CCDC112: variants seen among roughly 807,000 people sequenced by gnomAD.
The protein encoded by CCDC112 is coiled-coil domain-containing protein 112.
A neutral mutation model predicts 66.3 loss-of-function variants in CCDC112; 40 were observed. The observed-to-expected ratio is 0.60, with a 90% CI of 0.47 to 0.79. The LOEUF is 0.79. Among genes scored for constraint, CCDC112 ranks in the 30% least tolerant of loss-of-function variants. The pLI is 0.00. For missense variants in CCDC112, 659 were observed against 603.8 expected (o/e 1.09, Z -0.96); for synonymous variants, 214 against 197.2 (o/e 1.09, Z -0.71).
At chr5:115,277,440 T>C (rs1382093165) in intron 3 of CCDC112, among the ~76,000 whole-genome samples, 2 of 152,204 alleles carry the variant, frequency 1.3e-5, no homozygotes, top group Admixed American at 6.5e-5. Flanking sequence ...TAGAATTTGG[T>C]CTTAACTCTA....
chr5:115,296,582 G>A lies in CCDC112; in HGVS notation c.-39C>T. ...GCTACTCGGGCCGCGGCGGCCACCGGTGCCTGGGGATTCGTGGCAGGCGCA... is the reference window on the plus strand; with the variant it reads ...GCTACTCGGGCCGCGGCGGCCACCGATGCCTGGGGATTCGTGGCAGGCGCA... On this transcript the variant is annotated 5_prime_UTR_variant, in exon 1 of 10. Coordinates refer to ENST00000379611, the MANE Select transcript of CCDC112 (RefSeq NM_001040440.3). The A allele has an allele frequency of 2.1e-6, 3 of 1,429,996 alleles. No homozygotes were observed. Among genetic ancestry groups the A allele is most frequent in the Non-Finnish European group, 2.7e-6 (3 of 1,096,086 alleles). The allele number at this position is 1,429,996 out of a possible 1,614,324, so 88.6% of individuals were successfully genotyped here. A position where few individuals can be genotyped will look rare whatever the true frequency, so the allele number is the denominator to read the frequency against.
At chr5:115,280,977 C>T (rs1296948938) in intron 2 of CCDC112, among the ~76,000 whole-genome samples, 40 of 151,778 alleles carry the variant, frequency 2.6e-4, no homozygotes, top group Admixed American at 2.3e-3. Context: ...AGGCAACTAT[C>T]TATACCGTAG....
At chr5:115,285,535 A>C (rs1427945373) in intron 1 of CCDC112, among the ~76,000 whole-genome samples, 2 of 152,060 alleles carry the variant, frequency 1.3e-5, no homozygotes, top group Non-Finnish European at 2.9e-5. Context: ...AGAGCATGAA[A>C]GACTTTGCTG....
rs1396595126 is a variant in CCDC112 at position 115,267,624 on chromosome 5, G to A, written c.*252C>T. ...GTTTTCAGTATTTAAATTGAATAAT[G>A]TTTCTAACATTAACTTATTTAAATA... is the stretch of plus-strand genomic sequence containing the variant. On this transcript the variant is annotated 3_prime_UTR_variant, in exon 10 of 10. Coordinates refer to ENST00000379611, the MANE Select transcript of CCDC112 (RefSeq NM_001040440.3). 8.5e-5 allele frequency: 33 copies of A among 386,786 alleles called. No individual in the cohort carries two copies. Among genetic ancestry groups the A allele is most frequent in the Non-Finnish European group, 1.1e-4 (25 of 217,488 alleles). The allele number at this position is 386,786 out of a possible 1,614,324, so 24.0% of individuals were successfully genotyped here.
At position 115,271,627 on chromosome 5, in the gene CCDC112, C is replaced by T. The variant is rs1195859805; in HGVS notation, c.919-1G>A. 3 of 1,483,084 alleles carry T rather than the reference C, an allele frequency of 2.0e-6. No individual in the cohort carries two copies. The highest frequency in any genetic ancestry group is 1.5e-5 in the African/African-American group (1 of 68,858). 91.9% of individuals were successfully genotyped at this position (1,483,084 alleles called of 1,614,324 possible). On this transcript the variant is annotated splice_acceptor_variant, in intron 6 of 9. Coordinates refer to ENST00000379611, the MANE Select transcript of CCDC112 (RefSeq NM_001040440.3). LOFTEE classifies it high-confidence loss of function. ...TTTTAGTTTTCCAAATCTGAATTGACTAAATGATTTTTTTAAAAAAAGAAA... is the reference window on the plus strand; with the variant it reads ...TTTTAGTTTTCCAAATCTGAATTGATTAAATGATTTTTTTAAAAAAAGAAA...
chr5:115,293,585 C>G (rs897714029), intron 1 of CCDC112, among the ~76,000 whole-genome samples: 1 of 152,096 alleles, frequency 6.6e-6, no homozygotes, highest in Non-Finnish European at 1.5e-5. Context: ...GCTAATGGCC[C>G]CTTCCTCACA....
intron 6 of CCDC112, among the ~76,000 whole-genome samples, chr5:115,274,748 T>A (rs1749133699): frequency 6.6e-6 from 1 of 152,202 alleles, no homozygotes. Flanking sequence ...ACTTCCTTTT[T>A]TTATTTTTAT....
chr5:115,271,159 G>GT, intron 7 of CCDC112, 54 bp downstream of exon 7: 2 of 1,491,488 alleles, frequency 1.3e-6, no homozygotes, highest in South Asian at 2.7e-5. Context: ...GAATTTGGAA[G>GT]TAATACCTCC....
intron 7 of CCDC112, among the ~76,000 whole-genome samples, chr5:115,270,579 C>CA (rs1294265290): frequency 9.2e-5 from 14 of 151,984 alleles, no homozygotes; most frequent in Non-Finnish European, 2.1e-4. Context: ...CAAGGATGTT[C>CA]AAAAAAACAC....
chr5:115,268,911 G>A lies in CCDC112; in HGVS notation c.1518C>T (p.Gly506=). Residue 506 remains glycine (G), a synonymous_variant, in exon 9 of 10, where the codon GGC becomes GGT. Coordinates refer to ENST00000379611, the MANE Select transcript of CCDC112 (RefSeq NM_001040440.3). The part of the protein sequence containing the change: ...EERTKKIGPT[G]SGPLLHIPHR... ...GTGGGATATGTAGAAGTGGCCCAGA[G>A]CCTGTTGGTCCTATCTTTTTGGTTC... 6.2e-7 allele frequency: 1 copy of A among 1,604,058 alleles called. No individual in the cohort carries two copies. Among genetic ancestry groups the A allele is most frequent in the Middle Eastern group, 1.7e-4 (1 of 6,028 alleles).
At chr5:115,283,311 A>T (rs1749533968) in intron 2 of CCDC112, among the ~76,000 whole-genome samples, 1 of 152,056 alleles carries the variant, frequency 6.6e-6, no homozygotes, top group Non-Finnish European at 1.5e-5. Context: ...GACTCCTGGT[A>T]ATCACCATTC....
intron 7 of CCDC112, 75 bp from the exon 8 acceptor site, chr5:115,269,873 A>AAATT: frequency 7.1e-6 from 6 of 845,482 alleles, no homozygotes; most frequent in African/African-American, 1.7e-5. Context: ...GTTCACAAGT[A>AAATT]AAATTAAATT....
At chr5:115,278,829 A>T (rs987149459) in intron 3 of CCDC112, among the ~76,000 whole-genome samples, 1 of 152,196 alleles carries the variant, frequency 6.6e-6, no homozygotes, top group African/African-American at 2.4e-5. Context: ...ATTTACTTTA[A>T]TTGATGACAA....
intron 1 of CCDC112, among the ~76,000 whole-genome samples, chr5:115,290,895 A>C (rs970675499): frequency 6.6e-6 from 1 of 152,022 alleles, no homozygotes; most frequent in Non-Finnish European, 1.5e-5. Flanking sequence ...GTGTGTGTGA[A>C]TCCCTTAGAA....
chr5:115,285,381 G>A (rs966475733), intron 1 of CCDC112, among the ~76,000 whole-genome samples: 2 of 152,156 alleles, frequency 1.3e-5, no homozygotes, highest in African/African-American at 4.8e-5. Flanking sequence ...GGCTCAGATG[G>A]AGAAAGCGGA....
chr5:115,292,398 T>C (rs1247723963), intron 1 of CCDC112, among the ~76,000 whole-genome samples: 1 of 151,004 alleles, frequency 6.6e-6, no homozygotes, highest in Non-Finnish European at 1.5e-5. Flanking sequence ...ATTCCCACAC[T>C]TTCTCTTAGT....
chr5:115,275,958 T>C (rs753207056), intron 5 of CCDC112, 36 bp downstream of exon 5: 1 of 1,381,190 alleles, frequency 7.2e-7, no homozygotes, highest in Non-Finnish European at 1.0e-6. Flanking sequence ...AAAATAAAGG[T>C]CAATAATTTT....
In CCDC112 at chr5:115,284,833, T is replaced by A. The variant is rs1368834561; in HGVS notation, c.193A>T (p.Thr65Ser). ...LQNWKQKVNQ[T>S]KKAEFVRTAE... ...GTGCGTACAAATTCTGCTTTCTTAG[T>A]CTGATTAACTTTCTGCTTCCAGTTC... The change falls in exon 2 of 10, where the codon ACT becomes TCT. Residue 65 changes from threonine (T) to serine (S), a missense_variant. Coordinates refer to ENST00000379611, the MANE Select transcript of CCDC112 (RefSeq NM_001040440.3). 3 of 1,611,994 alleles carry A rather than the reference T, an allele frequency of 1.9e-6. No homozygotes were observed. The highest frequency in any genetic ancestry group is 2.5e-6 in the Non-Finnish European group (3 of 1,178,212).
At chr5:115,287,485 A>G (rs1395989181) in intron 1 of CCDC112, among the ~76,000 whole-genome samples, 1 of 152,160 alleles carries the variant, frequency 6.6e-6, no homozygotes, top group Non-Finnish European at 1.5e-5. Flanking sequence ...ATAAAAATGG[A>G]GTTACTCATG....
Sources: allele counts gnomAD v4.1 joint callset (sites outside exome capture counted in the v4.1 genomes callset), GRCh38; gene constraint gnomAD v4.1.1; transcripts MANE v1.5; gene names NCBI Gene and HGNC (gene_info 2026-07-23, HGNC 2026-07-21).